ROBO2: variants seen among roughly 807,000 people sequenced by gnomAD.
ROBO2 encodes the protein roundabout homolog 2.
In ROBO2, 53 loss-of-function variants were observed where a neutral mutation model predicts 160.8. That is an observed-to-expected ratio of 0.33 (90% confidence interval 0.26 to 0.41). ROBO2 has a LOEUF of 0.41. Among genes scored for constraint, ROBO2 ranks in the 10% least tolerant of loss-of-function variants. ROBO2 has a pLI of 1.00. For missense variants in ROBO2, 1,577 were observed against 1,722.4 expected, an observed-to-expected ratio of 0.92 and a Z score of 1.49; for synonymous variants, 664 against 611.7, an observed-to-expected ratio of 1.09 and a Z score of -1.26.
intron 2 of ROBO2, among the ~76,000 whole-genome samples, chr3:77,247,480 T>G (rs1409982415): frequency 6.6e-6 from 1 of 152,240 alleles, no homozygotes; most frequent in Admixed American, 6.5e-5. Context: ...AAAGTTTGTT[T>G]ACAGTGCTGA....
At chr3:77,490,771 C>A (rs1449797292) in intron 4 of ROBO2, among the ~76,000 whole-genome samples, 11 of 152,140 alleles carry the variant, frequency 7.2e-5, no homozygotes, top group Non-Finnish European at 1.5e-4. Flanking sequence ...AAAGTTGAGA[C>A]ATTTCCTTGA....
At chr3:76,264,268 A>G (rs969761943) in intron 2 of ROBO2, among the ~76,000 whole-genome samples, 1 of 152,102 alleles carries the variant, frequency 6.6e-6, no homozygotes, top group Non-Finnish European at 1.5e-5. Context: ...AATATTAGTT[A>G]CGCCATAATT....
chr3:77,574,480 C>G lies in ROBO2; in HGVS notation c.1972-19C>G. 3 of 1,598,398 alleles carry G rather than the reference C, an allele frequency of 1.9e-6. No homozygotes were observed. The highest frequency in any genetic ancestry group is 2.6e-6 in the Non-Finnish European group (3 of 1,166,200). On this transcript the variant is annotated intron_variant, in intron 13 of 25. Coordinates refer to ENST00000461745, the Ensembl canonical transcript of ROBO2. ...AATACTTTCCTTTAGTTTCAAATGC[C>G]CTTAACTATGTTTTTCAGGTTGATC...
At chr3:76,075,151 C>G (rs900861381) in intron 2 of ROBO2, among the ~76,000 whole-genome samples, 2 of 151,788 alleles carry the variant, frequency 1.3e-5, no homozygotes. Flanking sequence ...TTGAATTGTC[C>G]TCTGCTTGTG....
intron 5 of ROBO2, among the ~76,000 whole-genome samples, chr3:77,502,197 A>G (rs1446565109): frequency 1.3e-5 from 2 of 152,148 alleles, no homozygotes; most frequent in African/African-American, 4.8e-5. Flanking sequence ...AGTGGTGCTG[A>G]GTGGGAAGAA....
At chr3:77,374,091 A>G (rs1281642320) in intron 2 of ROBO2, among the ~76,000 whole-genome samples, 1 of 139,212 alleles carries the variant, frequency 7.2e-6, no homozygotes, top group Non-Finnish European at 1.5e-5. Context: ...AATTGCTGGA[A>G]CCTGGGAGGC....
intron 2 of ROBO2, among the ~76,000 whole-genome samples, chr3:77,402,532 G>T (rs1219893814): frequency 6.6e-6 from 1 of 152,150 alleles, no homozygotes; most frequent in African/African-American, 2.4e-5. Flanking sequence ...CCGGTGATCA[G>T]AAACTTCTGA....
intron 2 of ROBO2, among the ~76,000 whole-genome samples, chr3:76,185,936 AT>A (rs11369944): frequency 0.057 from 8,185 of 143,636 alleles, 265 homozygotes; most frequent in Middle Eastern, 0.11. Flanking sequence ...GGAAACACAG[AT>A]TTTTTTTTTT....
rs76490015 is a variant in ROBO2 at position 76,305,355 on chromosome 3, C to T, written c.109+367753C>T. Among the ~76,000 whole-genome samples the T allele has an allele frequency of 4.9e-5, 6 of 121,650 alleles. No homozygotes were observed. The East Asian group carries it at 1.1e-3, about 21-fold the overall frequency. 79.8% of individuals were successfully genotyped at this position (121,650 alleles called of 152,430 possible). A position where few individuals can be genotyped will look rare whatever the true frequency, so the allele number is the denominator to read the frequency against. On this transcript the variant is annotated intron_variant, in intron 2 of 26. Coordinates refer to the ROBO2 transcript ENST00000487694. ...ACAGTGAGTCATGATCTCACCACTGCACTTCAGCCTGGGTGACAGAGCAAG... is the reference window on the plus strand; with the variant it reads ...ACAGTGAGTCATGATCTCACCACTGTACTTCAGCCTGGGTGACAGAGCAAG...
chr3:77,405,030 T>A (rs999250367), intron 2 of ROBO2, among the ~76,000 whole-genome samples: 3 of 152,298 alleles, frequency 2.0e-5, no homozygotes, highest in South Asian at 2.1e-4. Flanking sequence ...ATTGTTTGTT[T>A]ACCTACCTAT....
intron 2 of ROBO2, among the ~76,000 whole-genome samples, chr3:76,033,041 A>G (rs993924263): frequency 6.6e-6 from 1 of 152,080 alleles, no homozygotes; most frequent in Non-Finnish European, 1.5e-5. Flanking sequence ...ACACATTCTG[A>G]CTGGCTTTAA....
At chr3:77,463,147 G>A (rs1018331395) in intron 2 of ROBO2, among the ~76,000 whole-genome samples, 7 of 152,134 alleles carry the variant, frequency 4.6e-5, no homozygotes, top group African/African-American at 1.7e-4. Flanking sequence ...AACAACATGT[G>A]CAGTACATAC....
chr3:76,359,757 C>A (rs562028361), intron 2 of ROBO2, among the ~76,000 whole-genome samples: 47 of 151,826 alleles, frequency 3.1e-4, no homozygotes, highest in Non-Finnish European at 5.3e-4. Context: ...TATGTCATTT[C>A]TTTGGTAGCT....
chr3:77,329,325 G>A (rs2065757227), intron 2 of ROBO2, among the ~76,000 whole-genome samples: 1 of 152,186 alleles, frequency 6.6e-6, no homozygotes, highest in African/African-American at 2.4e-5. Context: ...CAGAACTTTG[G>A]AAACTTCTGT....
intron 3 of ROBO2, among the ~76,000 whole-genome samples, chr3:77,480,112 A>G (rs185004453): frequency 2.1e-3 from 324 of 152,304 alleles, no homozygotes; most frequent in African/African-American, 7.5e-3. Flanking sequence ...CTATGTAAAA[A>G]AAAGTTGAAA....
chr3:77,356,151 A>G (rs1479903233), intron 2 of ROBO2, among the ~76,000 whole-genome samples: 1 of 152,222 alleles, frequency 6.6e-6, no homozygotes, highest in East Asian at 1.9e-4. Context: ...ATATTATGCA[A>G]CCATTAAGAA....
rs866792122 is a variant in ROBO2, at chr3:77,261,459, T to C, written c.388+163119T>C. On this transcript the variant is annotated intron_variant, in intron 2 of 25. Transcript: ENST00000461745. ...CAGGAAAAAAGAAGACATATTGTTA[T>C]AATGTGTTGTCAGTTCTCTAAGGAA... Among the ~76,000 whole-genome samples, 27 of 152,312 alleles carry C rather than the reference T, an allele frequency of 1.8e-4. No homozygotes were observed. In the South Asian group the frequency reaches 2.5e-3, roughly 14 times the overall value.
At chr3:77,220,875 G>A (rs1287199866) in intron 2 of ROBO2, among the ~76,000 whole-genome samples, 4 of 151,998 alleles carry the variant, frequency 2.6e-5, no homozygotes, top group Admixed American at 2.6e-4. Flanking sequence ...TTGCTATGTT[G>A]TATAATAGTA....
At chr3:76,456,658 A>G (rs1312907872) in intron 2 of ROBO2, among the ~76,000 whole-genome samples, 1 of 152,186 alleles carries the variant, frequency 6.6e-6, no homozygotes, top group Non-Finnish European at 1.5e-5. Context: ...TAAAGTTTGT[A>G]ATTTGGCTGA....
Sources: allele counts gnomAD v4.1 joint callset (sites outside exome capture counted in the v4.1 genomes callset), GRCh38; gene constraint gnomAD v4.1.1; transcripts MANE v1.5; gene names NCBI Gene and HGNC (gene_info 2026-07-23, HGNC 2026-07-21).